Variants in FBXO41 observed in about 807,000 individuals in gnomAD.
FBXO41 encodes F-box only protein 41.
Under a neutral mutation model 81.6 loss-of-function variants are expected in FBXO41, and 33 were observed. The ratio of observed to expected loss-of-function variants is 0.40; its 90% CI spans 0.31 to 0.54. The LOEUF is 0.54. Among genes scored for constraint, FBXO41 ranks in the 20% least tolerant of loss-of-function variants. The pLI, the probability that FBXO41 is intolerant of heterozygous loss-of-function variation, is 0.39. For synonymous variants in FBXO41, 576 were observed against 552.7 expected (o/e 1.04, Z -0.59); for missense variants, 1,107 against 1,236.0 (o/e 0.90, Z 1.56).
At position 73,259,570 on chromosome 2, in the gene FBXO41, A is replaced by G. The variant is rs1012099512; in HGVS notation, c.2450-274T>C. Among the ~76,000 whole-genome samples the G allele has an allele frequency of 1.3e-5, 2 of 152,166 alleles. No homozygotes were observed. The highest frequency in any genetic ancestry group is 4.8e-5 in the African/African-American group (2 of 41,424). On this transcript the variant is annotated intron_variant, in intron 11 of 12. Transcript: ENST00000520530. The surrounding 1 kb of genome is among the most constrained non-coding windows in gnomAD (Gnocchi z 4.2). ...TAGGAACTTCCCTGACACAGGGGGC[A>G]GCTATACCATGGTCTGGGCATTTGG...
Position 73,260,528 on chromosome 2 carries a change from C to T in FBXO41, c.2310G>A (p.Leu770=), listed in dbSNP as rs1687973440. The T allele has an allele frequency of 1.3e-6, 2 of 1,595,632 alleles. No individual in the cohort carries two copies. Among genetic ancestry groups the T allele is most frequent in the East Asian group, 4.6e-5 (2 of 43,856 alleles). The part of the protein sequence containing the change: ...LASLARNCMR[L]QVLELDHVSE... Reference sequence around the variant, plus strand: ...ACACGTGGTCAAGCTCCAGGACCTGCAGCCGCATGCAGTTTCTCGCTAGGA... The same window carrying T: ...ACACGTGGTCAAGCTCCAGGACCTGTAGCCGCATGCAGTTTCTCGCTAGGA... Residue 770 remains leucine (L), a synonymous_variant, in exon 11 of 13, where the codon CTG becomes CTA. Transcript: ENST00000520530. The surrounding 1 kb of genome is among the most constrained non-coding windows in gnomAD (Gnocchi z 5.0).
At position 73,263,656 on chromosome 2, in the gene FBXO41, T is replaced by A. The variant is rs1281520579; in HGVS notation, c.2075+22A>T. Reference sequence around the variant, plus strand: ...CCCTGGGCTTAGAGGGAACAGGCCATGCTTCTAGTCGGTTGACCCACCTGT... The same window carrying A: ...CCCTGGGCTTAGAGGGAACAGGCCAAGCTTCTAGTCGGTTGACCCACCTGT... On this transcript the variant is annotated intron_variant, in intron 8 of 12. Transcript: ENST00000520530. 1.9e-6 allele frequency: 3 copies of A among 1,611,956 alleles called. No homozygotes were observed. In the African/African-American group the frequency reaches 4.0e-5, roughly 22 times the overall value.
chr2:73,259,547 G>A lies in FBXO41; in HGVS notation c.2450-251C>T, dbSNP rs899409245. On this transcript the variant is annotated intron_variant, in intron 11 of 12. Coordinates refer to ENST00000520530, the MANE Select transcript of FBXO41 (RefSeq NM_001371389.2). This position sits in a 1 kb window ranked among gnomAD's most constrained non-coding sequence, Gnocchi z 4.2. ...AGCCACCAGCTGTCCAAAGCCTCTAGGAACTTCCCTGACACAGGGGGCAGC... is the reference window on the plus strand; with the variant it reads ...AGCCACCAGCTGTCCAAAGCCTCTAAGAACTTCCCTGACACAGGGGGCAGC... Among the ~76,000 whole-genome samples the A allele has an allele frequency of 6.6e-6, 1 of 152,200 alleles. No individual in the cohort carries two copies. Among genetic ancestry groups the A allele is most frequent in the East Asian group, 1.9e-4 (1 of 5,200 alleles).
At chr2:73,262,849 G>A (rs568880292) in intron 9 of FBXO41, among the ~76,000 whole-genome samples, 114 of 152,236 alleles carry the variant, frequency 7.5e-4, no homozygotes, top group Non-Finnish European at 9.1e-4. Flanking sequence ...AGGTTCAAGC[G>A]ATTCTCCTGC....
chr2:73,266,529 C>T lies in FBXO41; in HGVS notation c.1059G>A (p.Thr353=), dbSNP rs377277890. The T allele has an allele frequency of 9.3e-6, 15 of 1,605,220 alleles. 1 individual carries two copies. Among genetic ancestry groups the T allele is most frequent in the Admixed American group, 6.8e-5 (4 of 59,128 alleles). The change falls in exon 3 of 13, where the codon ACG becomes ACA. Residue 353 remains threonine, a synonymous_variant. Coordinates refer to ENST00000520530, the MANE Select transcript of FBXO41 (RefSeq NM_001371389.2). The surrounding 1 kb of genome is among the most constrained non-coding windows in gnomAD (Gnocchi z 5.3). ...CTCCACGGCCCAGGCTGGCGCTGGG[C>T]GTGCTGCCACAGCTGCTGCTGATGA... ...LQVISSSCGS[T]PSASLGRGGG...
chr2:73,268,600 G>T, intron 2 of FBXO41, 126 bp downstream of exon 2: 1 of 933,268 alleles, frequency 1.1e-6, no homozygotes, highest in Non-Finnish European at 1.6e-6. Context: ...CATGCTCCTG[G>T]CCACGGATCC....
intron 1 of FBXO41, among the ~76,000 whole-genome samples, 167 bp downstream of exon 1, chr2:73,283,993 T>C (rs1298180179): frequency 1.3e-5 from 2 of 152,118 alleles, no homozygotes; most frequent in African/African-American, 4.8e-5. Flanking sequence ...ATTAACCCCT[T>C]CCCTGCCTCT....
At chr2:73,276,560 C>CAGAGAGAGAGAGAG (rs533998261) in intron 1 of FBXO41, among the ~76,000 whole-genome samples, 122 of 106,420 alleles carry the variant, frequency 1.1e-3, no homozygotes, top group East Asian at 3.0e-3. Context: ...CAAATCTATT[C>CAGAGAGAGAGAGAG]AGAGAGAGAG....
intron 1 of FBXO41, among the ~76,000 whole-genome samples, chr2:73,278,275 A>G (rs1290022126): frequency 6.6e-6 from 1 of 152,214 alleles, no homozygotes; most frequent in Non-Finnish European, 1.5e-5. Context: ...GTGAGGACCT[A>G]GGTGTCTAAG....
At position 73,269,069 on chromosome 2, in the gene FBXO41, G is replaced by A. The variant is rs1229636896; in HGVS notation, c.562C>T (p.Pro188Ser). ...GPCPGPASAS[P>S]ASPSPADVAY... Reference sequence around the variant, plus strand: ...ACATCAGCGGGTGAGGGGGACGCGGGCGAAGCGGAGGCAGGCCCGGGGCAA... The same window carrying A: ...ACATCAGCGGGTGAGGGGGACGCGGACGAAGCGGAGGCAGGCCCGGGGCAA... Residue 188 changes from proline to serine, a missense_variant, in exon 2 of 13, where the codon CCC becomes TCC. Physicochemically the swap from Pro to Ser is moderately conservative, Grantham distance 74. Transcript: ENST00000520530. The surrounding 1 kb of genome is among the most constrained non-coding windows in gnomAD (Gnocchi z 7.0). 1 of 1,518,482 alleles carries A rather than the reference G, an allele frequency of 6.6e-7. No individual in the cohort carries two copies. The highest frequency in any genetic ancestry group is 2.5e-5 in the East Asian group (1 of 39,712). The allele number at this position is 1,518,482 out of a possible 1,614,324, so 94.1% of individuals were successfully genotyped here.
At chr2:73,265,851 G>T (rs1192099676) in intron 4 of FBXO41, 42 bp downstream of exon 4, 18 of 1,552,898 alleles carry the variant, frequency 1.2e-5, no homozygotes, top group Non-Finnish European at 1.4e-5. Flanking sequence ...TCCTTCCAGG[G>T]TGAGGGTGGG....
chr2:73,263,035 G>A lies in FBXO41; in HGVS notation c.2171+178C>T, dbSNP rs900921091. Among the ~76,000 whole-genome samples the A allele has an allele frequency of 2.6e-5, 4 of 152,220 alleles. No individual in the cohort carries two copies. In the East Asian group the frequency reaches 7.7e-4, roughly 29 times the overall value. The stretch of plus-strand genomic sequence containing the variant: ...GCTGGGATTACAGGCGTGAGATACC[G>A]TGCTCGACCAACCAGGTCTGATTTT... On this transcript the variant is annotated intron_variant, in intron 9 of 12. Transcript: ENST00000520530.
At chr2:73,264,769 C>T (rs1472949511) in intron 5 of FBXO41, among the ~76,000 whole-genome samples, 1 of 152,084 alleles carries the variant, frequency 6.6e-6, no homozygotes, top group Non-Finnish European at 1.5e-5. Flanking sequence ...TCAAACTCAC[C>T]CCCTACAAGA....
chr2:73,282,596 G>C (rs552477723), intron 1 of FBXO41, among the ~76,000 whole-genome samples: 2 of 152,254 alleles, frequency 1.3e-5, no homozygotes, highest in Non-Finnish European at 2.9e-5. Flanking sequence ...CCAGCTGCTT[G>C]GGAGACTGAG....
rs759679772 is a variant in FBXO41 at position 73,260,534 on chromosome 2, C to A, written c.2304G>T (p.Met768Ile). 1 of 1,594,294 alleles carries A rather than the reference C, an allele frequency of 6.3e-7. No individual in the cohort carries two copies. Among genetic ancestry groups the A allele is most frequent in the Non-Finnish European group, 8.5e-7 (1 of 1,170,540 alleles). The change falls in exon 11 of 13, where the codon ATG (methionine) becomes ATT (isoleucine). Residue 768 changes from methionine to isoleucine, a missense_variant. Physicochemically the swap from Met to Ile is conservative, Grantham distance 10. This residue lies in a region of FBXO41 where 336 missense variants were observed against 446.7 expected (regional missense o/e 0.75). Transcript: ENST00000520530. This position sits in a 1 kb window ranked among gnomAD's most constrained non-coding sequence, Gnocchi z 5.0. ...GGTCAAGCTCCAGGACCTGCAGCCG[C>A]ATGCAGTTTCTCGCTAGGAAGAGGA... ...QGLASLARNC[M>I]RLQVLELDHV...
In FBXO41 at chr2:73,263,299, T is replaced by C; in HGVS notation, c.2085A>G (p.Thr695=). 6.5e-7 allele frequency: 1 copy of C among 1,532,956 alleles called. No individual in the cohort carries two copies. Among genetic ancestry groups the C allele is most frequent in the African/African-American group, 1.4e-5 (1 of 72,424 alleles). 95.0% of individuals were successfully genotyped at this position (1,532,956 alleles called of 1,614,324 possible). The change falls in exon 9 of 13, where the codon ACA becomes ACG. Residue 695 remains threonine (T), a synonymous_variant. Coordinates refer to ENST00000520530, the MANE Select transcript of FBXO41 (RefSeq NM_001371389.2). ...AAATGACCTCATGGCCCACGGGGTCTGTGGCACTCCTGTGAAAAGACAAAG... is the reference window on the plus strand; with the variant it reads ...AAATGACCTCATGGCCCACGGGGTCCGTGGCACTCCTGTGAAAAGACAAAG... ...ALQAVTYRSA[T]DPVGHEVIWA... is the part of the protein sequence containing the mutation.
rs1267446097 is a variant in FBXO41, at chr2:73,268,738, C to T, written c.893G>A (p.Ser298Asn). ...QDLVHKEQEL[S>N]RKQQEVVQID... Reference sequence around the variant, plus strand: ...AGGGTCTACTCACTGCTGCTTGCGGCTCAGCTCCTGTTCCTTGTGCACCAG... The same window carrying T: ...AGGGTCTACTCACTGCTGCTTGCGGTTCAGCTCCTGTTCCTTGTGCACCAG... Residue 298 changes from serine to asparagine, a missense_variant, in exon 2 of 13, where the codon AGC (serine) becomes AAC (asparagine). Transcript: ENST00000520530. 1 of 1,546,986 alleles carries T rather than the reference C, an allele frequency of 6.5e-7. No homozygotes were observed. Among genetic ancestry groups the T allele is most frequent in the South Asian group, 1.2e-5 (1 of 81,386 alleles).
intron 4 of FBXO41, 120 bp downstream of exon 4, chr2:73,265,773 G>A (rs1395221132): frequency 7.0e-7 from 1 of 1,434,902 alleles, no homozygotes; most frequent in Non-Finnish European, 9.4e-7. Context: ...GGTGTGGAAA[G>A]GCAGACATAC....
At chr2:73,282,283 C>T (rs1445964090) in intron 1 of FBXO41, among the ~76,000 whole-genome samples, 4 of 152,144 alleles carry the variant, frequency 2.6e-5, no homozygotes, top group Middle Eastern at 3.2e-3. Flanking sequence ...CGTGAGCCAC[C>T]GTGCCTGGCC....
Sources: gnomAD v4.1 joint callset for allele counts (sites outside exome capture counted in the v4.1 genomes callset) on GRCh38, gnomAD v4.1.1 for gene constraint, gnomAD v4.1.1 regional missense constraint, Gnocchi (gnomAD v3.1) non-coding constraint, MANE v1.5 for transcripts, NCBI Gene and HGNC (gene_info 2026-07-23, HGNC 2026-07-21) for gene names.